Variants in KDM2A observed in about 807,000 individuals in gnomAD.
KDM2A encodes the protein lysine demethylase 2A, also known as lysine-specific demethylase 2A.
A neutral mutation model predicts 137.3 loss-of-function variants in KDM2A; 3 were observed. The observed-to-expected ratio is 0.02, with a 90% confidence interval of 0.01 to 0.06. The LOEUF (loss-of-function observed/expected upper bound fraction) is 0.06, where lower values mean the gene tolerates loss of function less well. Ranked by LOEUF, KDM2A falls within the 10% of genes least tolerant of loss-of-function variation. The pLI is 1.00. For missense variants in KDM2A, 738 were observed against 1,510.6 expected, an observed-to-expected ratio of 0.49 and a Z score of 8.48; for synonymous variants, 512 against 541.5, an observed-to-expected ratio of 0.95 and a Z score of 0.76.
intron 5 of KDM2A, among the ~76,000 whole-genome samples, chr11:67,193,424 C>T (rs1384122939): frequency 2.0e-5 from 3 of 152,174 alleles, no homozygotes; most frequent in Non-Finnish European, 4.4e-5. Flanking sequence ...ATTTTTTAAA[C>T]TTTCATGTTC....
chr11:67,211,923 G>A (rs1858005661), intron 6 of KDM2A, among the ~76,000 whole-genome samples: 1 of 152,114 alleles, frequency 6.6e-6, no homozygotes, highest in South Asian at 2.1e-4. Context: ...AGTGGAAAAT[G>A]ATATCATTCT....
intron 2 of KDM2A, among the ~76,000 whole-genome samples, chr11:67,141,934 G>T (rs1856113111): frequency 6.6e-6 from 1 of 151,756 alleles, no homozygotes; most frequent in African/African-American, 2.4e-5. Flanking sequence ...TTCTCTTTCT[G>T]TGCCTGGTTT....
At position 67,256,729 on chromosome 11, in the gene KDM2A, C is replaced by T. The variant is rs1435868529; in HGVS notation, c.*1674C>T. 1.3e-5 allele frequency: 2 copies of T among 152,690 alleles called. No homozygotes were observed. Among genetic ancestry groups the T allele is most frequent in the African/African-American group, 4.8e-5 (2 of 41,458 alleles). 9.5% of individuals were successfully genotyped at this position (152,690 alleles called of 1,614,324 possible). A position where few individuals can be genotyped will look rare whatever the true frequency, so the allele number is the denominator to read the frequency against. On this transcript the variant is annotated 3_prime_UTR_variant, in exon 21 of 21. Transcript: ENST00000529006. ...AGCAATAGAGGCAGAGTGGTCCCCT[C>T]TTTGCCACCTAGGCCAGTTTTGACC... is the stretch of plus-strand genomic sequence containing the variant.
chr11:67,129,955 C>T (rs890168125), intron 2 of KDM2A, among the ~76,000 whole-genome samples: 2 of 150,914 alleles, frequency 1.3e-5, no homozygotes, highest in Non-Finnish European at 2.9e-5. Flanking sequence ...TTTAAGCTCT[C>T]CTATTCTTTT....
At position 67,250,971 on chromosome 11, in the gene KDM2A, C is replaced by T. The variant is rs919866041; in HGVS notation, c.2768+173C>T. Among the ~76,000 whole-genome samples, 10 of 152,146 alleles carry T rather than the reference C, an allele frequency of 6.6e-5. No individual in the cohort carries two copies. The highest frequency in any genetic ancestry group is 4.6e-4 in the Admixed American group (7 of 15,272). ...GTTTAAAGATGTAGCCTGTTGTACC[C>T]GCAGATGTCATTAGGGAACTGGCCA... On this transcript the variant is annotated intron_variant, in intron 17 of 20. Transcript: ENST00000529006. This position sits in a 1 kb window ranked among gnomAD's most constrained non-coding sequence, Gnocchi z 7.1.
At chr11:67,123,355 A>G (rs1311351735) in intron 2 of KDM2A, among the ~76,000 whole-genome samples, 1 of 141,718 alleles carries the variant, frequency 7.1e-6, no homozygotes, top group African/African-American at 2.6e-5. Context: ...CAGCATGCAT[A>G]TATTCCGGTG....
chr11:67,252,342 A>G (rs1156969825), intron 17 of KDM2A: 1 of 297,176 alleles, frequency 3.4e-6, no homozygotes, highest in East Asian at 8.4e-5. Flanking sequence ...TCCCTTATAT[A>G]CACTTCAGCA....
intron 12 of KDM2A, among the ~76,000 whole-genome samples, 163 bp downstream of exon 12, chr11:67,232,123 T>C (rs1858736086): frequency 6.6e-6 from 1 of 152,240 alleles, no homozygotes; most frequent in African/African-American, 2.4e-5. Flanking sequence ...TTTTCATTAC[T>C]AGAATGAGGT....
intron 5 of KDM2A, among the ~76,000 whole-genome samples, chr11:67,190,632 G>A (rs1230642698): frequency 6.7e-6 from 1 of 148,810 alleles, no homozygotes; most frequent in Non-Finnish European, 1.5e-5. Context: ...ATGGTTGCAT[G>A]TTCCTGTAAT....
At chr11:67,223,388 C>CTTATTTATTTAT (rs10542275) in intron 10 of KDM2A, among the ~76,000 whole-genome samples, 5 of 149,158 alleles carry the variant, frequency 3.4e-5, no homozygotes, top group Non-Finnish European at 1.5e-5. Context: ...TTTTTTCTTT[C>CTTATTTATTTAT]TTATTTATTT....
chr11:67,147,184 T>C (rs1856270176), intron 2 of KDM2A, among the ~76,000 whole-genome samples: 1 of 152,074 alleles, frequency 6.6e-6, no homozygotes, highest in African/African-American at 2.4e-5. Context: ...ATACGCCTGT[T>C]TGTATTTCAT....
At chr11:67,209,897 C>T (rs1420203278) in intron 6 of KDM2A, among the ~76,000 whole-genome samples, 1 of 152,048 alleles carries the variant, frequency 6.6e-6, no homozygotes, top group East Asian at 1.9e-4. Context: ...CTCATCTCTA[C>T]AAAATTTGGA....
rs987606382 is a variant in KDM2A at position 67,119,407 on chromosome 11, T to G, written c.-726T>G. 6.3e-6 allele frequency: 1 copy of G among 158,288 alleles called. No individual in the cohort carries two copies. 9.8% of individuals were successfully genotyped at this position (158,288 alleles called of 1,614,324 possible). A position where few individuals can be genotyped will look rare whatever the true frequency, so the allele number is the denominator to read the frequency against. ...CCAGCGGCTGGGCCCGTGGCCGCTC[T>G]GTCTTTCCTGGGCAGGGGACGCTCC... On this transcript the variant is annotated 5_prime_UTR_variant, in exon 1 of 21. Transcript: ENST00000529006.
At chr11:67,219,558 A>T in intron 10 of KDM2A, 155 bp downstream of exon 10, 1 of 420,094 alleles carries the variant, frequency 2.4e-6, no homozygotes, top group Non-Finnish European at 4.2e-6. Flanking sequence ...TTTTAAATTT[A>T]ATTTTTTTTT....
At chr11:67,173,724 T>G (rs1161889116) in intron 2 of KDM2A, among the ~76,000 whole-genome samples, 2 of 152,118 alleles carry the variant, frequency 1.3e-5, no homozygotes, top group African/African-American at 4.8e-5. Flanking sequence ...TTTTATTTAT[T>G]TATTTTGAGG....
rs757142092 is a variant in KDM2A at position 67,232,002 on chromosome 11, A to G, written c.1479+42A>G. 29 of 1,537,892 alleles carry G rather than the reference A, an allele frequency of 1.9e-5. No homozygotes were observed. In the African/African-American group the frequency reaches 3.9e-4, roughly 20 times the overall value. ...TTACATGACAGCTACTGATCCAGCT[A>G]TGGCAGTCAGCTTCCAGATTCAGAG... On this transcript the variant is annotated intron_variant, in intron 12 of 20. Coordinates refer to ENST00000529006, the MANE Select transcript of KDM2A (RefSeq NM_012308.3).
chr11:67,131,408 T>C (rs1162108673), intron 2 of KDM2A, among the ~76,000 whole-genome samples: 4 of 147,054 alleles, frequency 2.7e-5, no homozygotes, highest in Non-Finnish European at 5.9e-5. Context: ...TAGTGTTTTC[T>C]TTTCTTTTTT....
chr11:67,237,581 G>A (rs1410438923), intron 12 of KDM2A, among the ~76,000 whole-genome samples: 5 of 151,998 alleles, frequency 3.3e-5, no homozygotes, highest in African/African-American at 1.2e-4. Context: ...ACAGGCATGA[G>A]CCACCTTACC....
rs1858540964 is a variant in KDM2A at position 67,226,264 on chromosome 11, AAAT to A, written c.958-1765_958-1763del. The stretch of plus-strand genomic sequence containing the variant: ...AGAGCGAGATTCCATCTCAAAAAAA[AAAT>A]AATAATATATCATTCATGAACAGTT... On this transcript the variant is annotated intron_variant, in intron 10 of 20. Coordinates refer to ENST00000529006, the MANE Select transcript of KDM2A (RefSeq NM_012308.3). 4.6e-5 allele frequency among the ~76,000 whole-genome samples: 7 copies of A among 152,136 alleles called. No individual in the cohort carries two copies. The South Asian group carries it at 1.5e-3, about 32-fold the overall frequency.
Sources: gnomAD v4.1 joint callset for allele counts (sites outside exome capture counted in the v4.1 genomes callset) on GRCh38, gnomAD v4.1.1 for gene constraint, Gnocchi (gnomAD v3.1) non-coding constraint, MANE v1.5 for transcripts, NCBI Gene and HGNC (gene_info 2026-07-23, HGNC 2026-07-21) for gene names.